Variants in GRTP1 observed in about 807,000 individuals in gnomAD.
GRTP1 encodes the protein growth hormone regulated TBC protein 1.
Under a neutral mutation model 38.1 loss-of-function variants are expected in GRTP1, and 56 were observed. The observed-to-expected ratio is 1.47, with a 90% CI of 1.19 to 1.84. The LOEUF (loss-of-function observed/expected upper bound fraction) is 1.84. GRTP1 is among the 40% of genes most tolerant of loss of function. The pLI, the probability that GRTP1 is intolerant of heterozygous loss-of-function variation, is 0.00. For synonymous variants in GRTP1, 217 were observed against 189.5 expected (o/e 1.14, Z -1.19); for missense variants, 506 against 453.9 (o/e 1.11, Z -1.04).
intron 4 of GRTP1, among the ~76,000 whole-genome samples, chr13:113,347,245 T>C (rs111959889): frequency 0.071 from 85 of 1,198 alleles, 10 homozygotes; most frequent in Middle Eastern, 0.25. Flanking sequence ...AGAGCGGACC[T>C]GGGAGGACCT....
intron 3 of GRTP1, 58 bp from the exon 4 acceptor site, chr13:113,351,031 C>G (rs2043256739): frequency 6.2e-7 from 1 of 1,605,192 alleles, no homozygotes; most frequent in African/African-American, 1.3e-5. Context: ...CCTCCCACCC[C>G]TCCAGCTGCC....
At chr13:113,354,951 G>A (rs2139517809) in intron 3 of GRTP1, among the ~76,000 whole-genome samples, 1 of 152,318 alleles carries the variant, frequency 6.6e-6, no homozygotes, top group South Asian at 2.1e-4. Context: ...ATACAAAAAA[G>A]GAAGCCCTGG....
At chr13:113,334,280 A>ACTGCCCCCCCCCCCGCC (rs1202504022) in intron 5 of GRTP1, among the ~76,000 whole-genome samples, 1 of 142,482 alleles carries the variant, frequency 7.0e-6, no homozygotes, top group Non-Finnish European at 1.5e-5. Flanking sequence ...CACTGCCACG[A>ACTGCCCCCCCCCCCGCC]CAGCCTCCCG....
At position 113,344,881 on chromosome 13, in the gene GRTP1, C is replaced by G. The variant is rs2043077846; in HGVS notation, c.544G>C (p.Val182Leu). The G allele has an allele frequency of 6.2e-7, 1 of 1,608,334 alleles. No individual in the cohort carries two copies. Among genetic ancestry groups the G allele is most frequent in the Non-Finnish European group, 8.5e-7 (1 of 1,178,700 alleles). ...EESFWLLDAL[V>L]GRILPDYYSP... ...AACATACCTGGTAGTATTCTTCCAA[C>G]AAGAGCATCTAACAGCCAAAAAGAT... is the stretch of plus-strand genomic sequence containing the variant. The change falls in exon 5 of 8, where the codon GTT (valine) becomes CTT (leucine). Residue 182 changes from valine (V) to leucine (L), a missense_variant. Transcript: ENST00000375431.
At chr13:113,359,098 G>C (rs2043447590) in intron 2 of GRTP1, among the ~76,000 whole-genome samples, 1 of 152,200 alleles carries the variant, frequency 6.6e-6, no homozygotes, top group South Asian at 2.1e-4. Flanking sequence ...CAAGGTCCTG[G>C]ATGGATCTCC....
At chr13:113,357,740 T>C (rs972446458) in intron 2 of GRTP1, among the ~76,000 whole-genome samples, 2 of 152,170 alleles carry the variant, frequency 1.3e-5, no homozygotes, top group Non-Finnish European at 2.9e-5. Flanking sequence ...TTCTTAGTCA[T>C]TCTGTGCTAT....
At chr13:113,334,468 C>G (rs1480818601) in intron 5 of GRTP1, among the ~76,000 whole-genome samples, 1 of 152,180 alleles carries the variant, frequency 6.6e-6, no homozygotes, top group East Asian at 1.9e-4. Context: ...ATCAGTCGTG[C>G]GCGGAAACAG....
rs1225408725 is a variant in GRTP1 at position 113,349,308 on chromosome 13, C to A, written c.465+1541G>T. ...GACCCAAACGACCCTCTCACCTCAG[C>A]CCCTCGAGCAGCCGGGACCACAGGC... On this transcript the variant is annotated intron_variant, in intron 4 of 7. Coordinates refer to ENST00000375431, the MANE Select transcript of GRTP1 (RefSeq NM_024719.4). This position sits in a 1 kb window ranked among gnomAD's most constrained non-coding sequence, Gnocchi z 5.0. Among the ~76,000 whole-genome samples, 2 of 151,928 alleles carry A rather than the reference C, an allele frequency of 1.3e-5. No homozygotes were observed. The highest frequency in any genetic ancestry group is 6.6e-5 in the Admixed American group (1 of 15,258).
rs1005945660 is a variant in GRTP1, at chr13:113,348,817, C to T, written c.465+2032G>A. 4.6e-5 allele frequency among the ~76,000 whole-genome samples: 7 copies of T among 152,028 alleles called. No homozygotes were observed. The highest frequency in any genetic ancestry group is 7.4e-5 in the Non-Finnish European group (5 of 67,986). On this transcript the variant is annotated intron_variant, in intron 4 of 7. Coordinates refer to ENST00000375431, the MANE Select transcript of GRTP1 (RefSeq NM_024719.4). This position sits in a 1 kb window ranked among gnomAD's most constrained non-coding sequence, Gnocchi z 4.8. ...CAGAAAGAACCCGCCCCGCAGACGC[C>T]GCGACCTCACCTGCCCCGCAGATGC...
At chr13:113,346,046 G>GAACAGACCCAGGAGGACCTCTGTGGACA (rs2043106167) in intron 4 of GRTP1, among the ~76,000 whole-genome samples, 1 of 82,948 alleles carries the variant, frequency 1.2e-5, no homozygotes, top group Non-Finnish European at 2.6e-5. Flanking sequence ...ATCTGTGGCC[G>GAACAGACCCAGGAGGACCTCTGTGGACA]AGAGCAGACC....
intron 5 of GRTP1, among the ~76,000 whole-genome samples, chr13:113,333,830 A>ATTTATTTATTTT (rs2042911500): frequency 1.0e-5 from 1 of 99,740 alleles, no homozygotes; most frequent in Admixed American, 1.3e-4. Context: ...TTATTTATTT[A>ATTTATTTATTTT]TTTATTTAGT....
rs530164784 is a variant in GRTP1 at position 113,342,692 on chromosome 13, C to T, written c.562+2171G>A. ...ACTGTGGCACTGAAACGACCTACTTCGGTCACTGTAACTTAGAGAAGGACA... is the reference window on the plus strand; with the variant it reads ...ACTGTGGCACTGAAACGACCTACTTTGGTCACTGTAACTTAGAGAAGGACA... On this transcript the variant is annotated intron_variant, in intron 5 of 7. Transcript: ENST00000375431. The surrounding 1 kb of genome is among the most constrained non-coding windows in gnomAD (Gnocchi z 4.5). Among the ~76,000 whole-genome samples the T allele has an allele frequency of 1.1e-4, 17 of 152,256 alleles. No individual in the cohort carries two copies. Among genetic ancestry groups the T allele is most frequent in the African/African-American group, 3.4e-4 (14 of 41,558 alleles).
At chr13:113,331,855 T>TGC (rs2042875978) in intron 5 of GRTP1, among the ~76,000 whole-genome samples, 1 of 150,530 alleles carries the variant, frequency 6.6e-6, no homozygotes, top group Non-Finnish European at 1.5e-5. Flanking sequence ...CGGGGTTTCA[T>TGC]CATGTTGGCC....
chr13:113,324,747 G>C lies in GRTP1; in HGVS notation c.922-170C>G, dbSNP rs967184679. 5 of 1,404,440 alleles carry C rather than the reference G, an allele frequency of 3.6e-6. No individual in the cohort carries two copies. In the Admixed American group the frequency reaches 1.3e-4, roughly 36 times the overall value. 87.0% of individuals were successfully genotyped at this position (1,404,440 alleles called of 1,614,324 possible). Reference sequence around the variant, plus strand: ...ATTGTCACCATCTCACTCCTGCCCTGGGGCCTAGGACTGCAGCTTTGCTGC... The same window carrying C: ...ATTGTCACCATCTCACTCCTGCCCTCGGGCCTAGGACTGCAGCTTTGCTGC... On this transcript the variant is annotated intron_variant, in intron 7 of 7. Coordinates refer to ENST00000375431, the MANE Select transcript of GRTP1 (RefSeq NM_024719.4).
rs896534834 is a variant in GRTP1 at position 113,343,936 on chromosome 13, G to C, written c.562+927C>G. Among the ~76,000 whole-genome samples the C allele has an allele frequency of 6.6e-6, 1 of 152,178 alleles. No homozygotes were observed. The highest frequency in any genetic ancestry group is 1.5e-5 in the Non-Finnish European group (1 of 68,038). On this transcript the variant is annotated intron_variant, in intron 5 of 7. Transcript: ENST00000375431. The surrounding 1 kb of genome is among the most constrained non-coding windows in gnomAD (Gnocchi z 4.8). ...CTCAGCTTCTCTTCCCAAGTGACTT[G>C]AGCCTGCAGCTCATCGTCTGCACTG... is the stretch of plus-strand genomic sequence containing the variant.
chr13:113,346,262 A>ACCCAGGAGGACC (rs2043128259), intron 4 of GRTP1, among the ~76,000 whole-genome samples: 2 of 92,252 alleles, frequency 2.2e-5, no homozygotes, highest in Non-Finnish European at 4.3e-5. Flanking sequence ...CCGAGAGCAG[A>ACCCAGGAGGACC]TCCGGGAGGA....
chr13:113,325,232 C>G, intron 7 of GRTP1: 1 of 1,176,680 alleles, frequency 8.5e-7, no homozygotes, highest in Non-Finnish European at 1.1e-6. Context: ...TCTTAGGAAA[C>G]TACTGACTCC....
chr13:113,364,068 G>A lies in GRTP1; in HGVS notation c.-17C>T. ...GGGCTGCATGCGGGGAGGGAGGCGC[G>A]CACCGAGCGAGGCCAGCGGGTCCCA... On this transcript the variant is annotated 5_prime_UTR_variant, in exon 1 of 8. Coordinates refer to ENST00000375431, the MANE Select transcript of GRTP1 (RefSeq NM_024719.4). 1.6e-6 allele frequency: 2 copies of A among 1,262,408 alleles called. No homozygotes were observed. The highest frequency in any genetic ancestry group is 3.8e-5 in the Admixed American group (1 of 26,260). The allele number at this position is 1,262,408 out of a possible 1,614,324, so 78.2% of individuals were successfully genotyped here.
intron 5 of GRTP1, among the ~76,000 whole-genome samples, chr13:113,333,747 T>C (rs1426399111): frequency 3.3e-5 from 5 of 152,026 alleles, no homozygotes; most frequent in African/African-American, 1.2e-4. Context: ...TGCCTAGGAC[T>C]CCCAAAATGC....
Sources: allele counts gnomAD v4.1 joint callset (sites outside exome capture counted in the v4.1 genomes callset), GRCh38; gene constraint gnomAD v4.1.1; non-coding constraint Gnocchi (gnomAD v3.1); transcripts MANE v1.5; gene names NCBI Gene and HGNC (gene_info 2026-07-23, HGNC 2026-07-21).